Variants in USP9Y observed in about 807,000 individuals in gnomAD.
USP9Y encodes the protein ubiquitin specific peptidase 9 Y-linked.
A neutral mutation model predicts 53.1 loss-of-function variants in USP9Y; 41 were observed. The observed-to-expected ratio is 0.77, with a 90% CI of 0.60 to 1.00. The LOEUF (loss-of-function observed/expected upper bound fraction) is 1.00. Among genes scored for constraint, USP9Y ranks in the 50% least tolerant of loss-of-function variants. USP9Y has a pLI of 0.00. For synonymous variants in USP9Y, 220 were observed against 173.7 expected (o/e 1.27, Z -2.09); for missense variants, 567 against 535.8 (o/e 1.06, Z -0.58).
intron 27 of USP9Y, among the ~76,000 whole-genome samples, chrY:12,807,228 A>G: frequency 4.0e-5 from 1 of 24,985 alleles, no homozygotes; most frequent in African/African-American, 1.6e-4. Flanking sequence ...CATTTGCATC[A>G]TTGTGCTTTT....
chrY:12,743,526 G>A (rs539012378), intron 12 of USP9Y, among the ~76,000 whole-genome samples: 4 of 33,563 alleles, frequency 1.2e-4, no homozygotes, highest in African/African-American at 4.6e-4. Flanking sequence ...GCCTCCCAAA[G>A]TGCTGGGATT....
At chrY:12,754,959 G>A in intron 12 of USP9Y, among the ~76,000 whole-genome samples, 1 of 32,579 alleles carries the variant, frequency 3.1e-5, no homozygotes, top group Non-Finnish European at 7.5e-5. Flanking sequence ...ATATTTTGCA[G>A]TATACACATT....
At position 12,786,755 on chromosome Y, in the gene USP9Y, A is replaced by G; in HGVS notation, c.3516A>G (p.Ala1172=). Residue 1172 remains alanine (A), a synonymous_variant, in exon 24 of 46, where the codon GCA becomes GCG. Transcript: ENST00000338981. ...AIGYGHVRAV[A]EACQPVVDGT... ...GCTATGGCCATGTTCGAGCTGTAGC[A>G]GAAGCTTGTCAGCCAGTTGTAGATG... The G allele has an allele frequency of 1.3e-5, 5 of 396,923 alleles. No homozygotes were observed. Among genetic ancestry groups the G allele is most frequent in the Non-Finnish European group, 1.8e-5 (5 of 283,165 alleles).
chrY:12,801,394 G>A, intron 27 of USP9Y, among the ~76,000 whole-genome samples: 1 of 33,750 alleles, frequency 3.0e-5, no homozygotes, highest in Admixed American at 2.7e-4. Flanking sequence ...TTTGGTTTGC[G>A]GGAATGATCT....
chrY:12,786,953 AT>A (rs2053503105), intron 24 of USP9Y, among the ~76,000 whole-genome samples, 153 bp downstream of exon 24: 1 of 33,354 alleles, frequency 3.0e-5, no homozygotes, highest in Non-Finnish European at 7.4e-5. Context: ...TATCTTAGGG[AT>A]TTTTTTGATT....
chrY:12,767,608 G>C (rs939901677), intron 15 of USP9Y, among the ~76,000 whole-genome samples: 13 of 27,004 alleles, frequency 4.8e-4, no homozygotes, highest in Admixed American at 4.5e-3. Flanking sequence ...GTGTGTATCT[G>C]TGTGTGTGTG....
At chrY:12,845,659 T>C in intron 39 of USP9Y, among the ~76,000 whole-genome samples, 1 of 33,398 alleles carries the variant, frequency 3.0e-5, no homozygotes, top group Admixed American at 2.7e-4. Context: ...TCATTTTATT[T>C]AGTTTCTGTC....
intron 12 of USP9Y, among the ~76,000 whole-genome samples, chrY:12,746,323 T>G: frequency 3.0e-5 from 1 of 33,799 alleles, no homozygotes; most frequent in Admixed American, 2.7e-4. Flanking sequence ...AATGAAACAT[T>G]GTAGGCACTC....
At chrY:12,727,632 A>G in intron 7 of USP9Y, among the ~76,000 whole-genome samples, 1 of 33,106 alleles carries the variant, frequency 3.0e-5, no homozygotes, top group Non-Finnish European at 7.4e-5. Flanking sequence ...TAGCGCATGA[A>G]AAAAAAACTT....
Position 12,833,834 on chromosome Y carries a change from A to G in USP9Y, c.5168A>G (p.Gln1723Arg). ...GTCCTAGGAGGCTCCTTTGCTGATC[A>G]GAAGATCTGCCAAGGCTGCCCACAT... ...SKVLGGSFADQKICQGCPHRY... is the reference protein window; with the variant it reads ...SKVLGGSFADRKICQGCPHRY... Residue 1723 changes from glutamine to arginine, a missense_variant, in exon 34 of 46, where the codon CAG (glutamine) becomes CGG (arginine). Transcript: ENST00000338981. 5.0e-6 allele frequency: 2 copies of G among 397,924 alleles called. No individual in the cohort carries two copies. Among genetic ancestry groups the G allele is most frequent in the Admixed American group, 1.5e-4 (2 of 13,429 alleles).
chrY:12,823,420 GAA>G (rs2053543779), intron 33 of USP9Y, among the ~76,000 whole-genome samples: 2 of 33,289 alleles, frequency 6.0e-5, no homozygotes, highest in African/African-American at 2.4e-4. Flanking sequence ...GGTCTTAGAG[GAA>G]AAGCTCTTAG....
intron 12 of USP9Y, 149 bp downstream of exon 12, chrY:12,739,778 CATT>C (rs2053455877): frequency 9.8e-6 from 1 of 102,521 alleles, no homozygotes; most frequent in Non-Finnish European, 1.8e-5. Flanking sequence ...AAGAATTGGT[CATT>C]GTTGTTTCTT....
intron 27 of USP9Y, among the ~76,000 whole-genome samples, chrY:12,804,884 G>A: frequency 3.3e-5 from 1 of 30,349 alleles, no homozygotes; most frequent in Non-Finnish European, 7.9e-5. Flanking sequence ...CTTGAAACCG[G>A]AAGGCGAAGG....
chrY:12,818,660 G>A, intron 33 of USP9Y, 50 bp downstream of exon 33: 1 of 307,131 alleles, frequency 3.3e-6, no homozygotes, highest in Non-Finnish European at 5.0e-6. Context: ...CCTCAATACA[G>A]TAAACTTCTA....
chrY:12,744,052 G>A, intron 12 of USP9Y, among the ~76,000 whole-genome samples: 1 of 33,441 alleles, frequency 3.0e-5, no homozygotes. Context: ...CATGTTCTTT[G>A]TCCTGTGTCC....
chrY:12,836,929 C>T, intron 34 of USP9Y, among the ~76,000 whole-genome samples: 1 of 32,641 alleles, frequency 3.1e-5, no homozygotes, highest in South Asian at 6.9e-4. Flanking sequence ...TGGTCATGAA[C>T]TCCTGACTTG....
At chrY:12,821,574 A>C in intron 33 of USP9Y, among the ~76,000 whole-genome samples, 1 of 31,839 alleles carries the variant, frequency 3.1e-5, no homozygotes, top group Non-Finnish European at 7.6e-5. Context: ...TTCTATGTCT[A>C]ATTTTTTGTG....
chrY:12,801,038 A>C, intron 27 of USP9Y, among the ~76,000 whole-genome samples: 1 of 33,572 alleles, frequency 3.0e-5, no homozygotes, highest in Admixed American at 2.7e-4. Flanking sequence ...TTAATTGAAA[A>C]ACTGCCTTTG....
intron 33 of USP9Y, among the ~76,000 whole-genome samples, chrY:12,832,975 T>A: frequency 3.0e-5 from 1 of 33,570 alleles, no homozygotes; most frequent in East Asian, 7.5e-4. Flanking sequence ...TTATAACAAT[T>A]TTTTTAATTG....
Sources: gnomAD v4.1 joint callset for allele counts (sites outside exome capture counted in the v4.1 genomes callset) on GRCh38, gnomAD v4.1.1 for gene constraint, MANE v1.5 for transcripts, NCBI Gene and HGNC (gene_info 2026-07-23, HGNC 2026-07-21) for gene names.